The following EDIL3 variants were observed in gnomAD, a reference collection of about 807,000 sequenced individuals.
EDIL3 encodes EGF-like repeat and discoidin I-like domain-containing protein 3.
In EDIL3, 37 loss-of-function variants were observed where a neutral mutation model predicts 67.4. That is an observed-to-expected ratio of 0.55 (90% confidence interval 0.42 to 0.72). The LOEUF (loss-of-function observed/expected upper bound fraction) is 0.72, where lower values mean the gene tolerates loss of function less well. Ranked by LOEUF, EDIL3 falls within the 30% of genes least tolerant of loss-of-function variation. EDIL3 has a pLI of 0.00. For synonymous variants in EDIL3, 195 were observed against 196.3 expected (o/e 0.99, Z 0.05); for missense variants, 527 against 586.3 (o/e 0.90, Z 1.04).
intron 3 of EDIL3, among the ~76,000 whole-genome samples, chr5:84,222,476 T>C (rs1042919147): frequency 6.6e-6 from 1 of 151,848 alleles, no homozygotes; most frequent in Non-Finnish European, 1.5e-5. Flanking sequence ...ATCACAGAGT[T>C]CATAATAAAT....
intron 1 of EDIL3, among the ~76,000 whole-genome samples, chr5:84,278,714 T>C (rs937472182): frequency 6.6e-6 from 1 of 152,182 alleles, no homozygotes; most frequent in African/African-American, 2.4e-5. Context: ...AGATTGCCAA[T>C]GCATAACACA....
At chr5:84,288,463 T>C (rs992371338) in intron 1 of EDIL3, among the ~76,000 whole-genome samples, 4 of 152,182 alleles carry the variant, frequency 2.6e-5, no homozygotes, top group South Asian at 2.1e-4. Flanking sequence ...ATTGTGATGA[T>C]GAAATTCTAA....
At chr5:84,080,943 C>G (rs1184963705) in intron 6 of EDIL3, among the ~76,000 whole-genome samples, 1 of 152,182 alleles carries the variant, frequency 6.6e-6, no homozygotes, top group Non-Finnish European at 1.5e-5. Context: ...GCTGGTTAGC[C>G]TTTGACATGT....
chr5:84,046,699 T>G (rs2112219577), intron 9 of EDIL3, among the ~76,000 whole-genome samples: 1 of 152,334 alleles, frequency 6.6e-6, no homozygotes, highest in East Asian at 1.9e-4. Flanking sequence ...GTTCATATTT[T>G]TAGAAGAGAA....
At chr5:84,115,029 G>A (rs1032017241) in intron 5 of EDIL3, among the ~76,000 whole-genome samples, 1 of 152,130 alleles carries the variant, frequency 6.6e-6, no homozygotes, top group Non-Finnish European at 1.5e-5. Context: ...AATATTACGG[G>A]ATAAAGTAAA....
In EDIL3 at chr5:84,384,660, A is replaced by C. The variant is rs1748189262; in HGVS notation, c.-286T>G. ...CCCTCCGCTGCGGGTGGGTCCCGGC[A>C]GAGGCGCGGCGGGCGGGGCGCGGGC... On this transcript the variant is annotated 5_prime_UTR_variant, in exon 1 of 11. Coordinates refer to ENST00000296591, the MANE Select transcript of EDIL3 (RefSeq NM_005711.5). The C allele has an allele frequency of 4.6e-6, 1 of 217,084 alleles. No individual in the cohort carries two copies. The allele number at this position is 217,084 out of a possible 1,614,324, so 13.4% of individuals were successfully genotyped here.
intron 1 of EDIL3, among the ~76,000 whole-genome samples, chr5:84,340,534 C>CTCTCTCTCTCTCTCTA (rs1432966515): frequency 4.4e-4 from 24 of 54,210 alleles, no homozygotes; most frequent in Non-Finnish European, 5.1e-4. Context: ...CTCTCTCTCT[C>CTCTCTCTCTCTCTCTA]TATATATATA....
chr5:84,282,899 T>A (rs1230805381), intron 1 of EDIL3, among the ~76,000 whole-genome samples: 1 of 152,222 alleles, frequency 6.6e-6, no homozygotes, highest in African/African-American at 2.4e-5. Flanking sequence ...TAACTGTTAT[T>A]TCTTTTTCAG....
chr5:84,033,731 AAAAAG>A (rs1745969957), intron 9 of EDIL3, among the ~76,000 whole-genome samples: 1 of 149,652 alleles, frequency 6.7e-6, no homozygotes, highest in Non-Finnish European at 1.5e-5. Flanking sequence ...AAAAAATGGA[AAAAAG>A]AAAAGATTTG....
chr5:84,205,995 T>C (rs1303948058), intron 3 of EDIL3, among the ~76,000 whole-genome samples: 1 of 152,068 alleles, frequency 6.6e-6, no homozygotes, highest in Non-Finnish European at 1.5e-5. Context: ...GCTCTTGTAA[T>C]TGTGATGTTA....
intron 1 of EDIL3, among the ~76,000 whole-genome samples, chr5:84,283,028 T>C (rs1431038280): frequency 1.3e-5 from 2 of 152,048 alleles, no homozygotes; most frequent in African/African-American, 4.8e-5. Flanking sequence ...ATAAATAAAA[T>C]GCATCTATTT....
Position 84,176,204 on chromosome 5 carries a change from T to TATATATATATATATATATATA in EDIL3, c.355+4168_355+4188dup, listed in dbSNP as rs1561453780. The stretch of plus-strand genomic sequence containing the variant: ...AAAATATATATATATATATAATATA[T>TATATATATATATATATATATA]ATATATATATATATATATATATAAT... On this transcript the variant is annotated intron_variant, in intron 4 of 10. Coordinates refer to ENST00000296591, the MANE Select transcript of EDIL3 (RefSeq NM_005711.5). Among the ~76,000 whole-genome samples, 10 of 20,212 alleles carry TATATATATATATATATATATA rather than the reference T, an allele frequency of 4.9e-4. No individual in the cohort carries two copies. In the East Asian group the frequency reaches 0.012, roughly 25 times the overall value. The allele number at this position is 20,212 out of a possible 152,430, so 13.3% of individuals were successfully genotyped here.
chr5:84,239,276 A>G (rs2112055600), intron 2 of EDIL3, among the ~76,000 whole-genome samples: 1 of 152,272 alleles, frequency 6.6e-6, no homozygotes, highest in East Asian at 1.9e-4. Context: ...TTGATAACGT[A>G]TTTTAAAATA....
At chr5:84,381,280 T>C (rs1748070524) in intron 1 of EDIL3, among the ~76,000 whole-genome samples, 1 of 152,160 alleles carries the variant, frequency 6.6e-6, no homozygotes, top group Non-Finnish European at 1.5e-5. Flanking sequence ...GGCCAAAATA[T>C]TGCAATACTG....
intron 1 of EDIL3, among the ~76,000 whole-genome samples, chr5:84,271,188 C>T (rs977517000): frequency 1.3e-5 from 2 of 151,952 alleles, no homozygotes; most frequent in Non-Finnish European, 2.9e-5. Context: ...TTAGAATGCC[C>T]GTTTAACTAT....
chr5:84,152,227 C>T (rs1249639562), intron 4 of EDIL3, among the ~76,000 whole-genome samples: 2 of 152,126 alleles, frequency 1.3e-5, no homozygotes, highest in South Asian at 2.1e-4. Context: ...CCTCTCTTTG[C>T]TTCTGTGAAG....
chr5:84,058,753 T>C (rs1294001626), intron 9 of EDIL3, among the ~76,000 whole-genome samples: 1 of 152,158 alleles, frequency 6.6e-6, no homozygotes, highest in Non-Finnish European at 1.5e-5. Flanking sequence ...GGTAATATCT[T>C]AATGTCTTAA....
At chr5:84,209,752 G>A (rs342412) in intron 3 of EDIL3, among the ~76,000 whole-genome samples, 108,236 of 152,122 alleles carry the variant, frequency 0.71, 38,803 homozygotes, top group African/African-American at 0.75. Flanking sequence ...GAGCAACAGA[G>A]ACACACGAAT....
At chr5:84,371,450 TAGAGAG>T (rs142715442) in intron 1 of EDIL3, among the ~76,000 whole-genome samples, 17,920 of 103,428 alleles carry the variant, frequency 0.17, 1,300 homozygotes, top group Non-Finnish European at 0.22. Context: ...TATATATATA[TAGAGAG>T]AGAGAGAGAG....
Sources: gnomAD v4.1 joint callset for allele counts (sites outside exome capture counted in the v4.1 genomes callset) on GRCh38, gnomAD v4.1.1 for gene constraint, MANE v1.5 for transcripts, NCBI Gene and HGNC (gene_info 2026-07-23, HGNC 2026-07-21) for gene names.